Variants in MAGI2 observed in about 807,000 individuals in gnomAD.
The protein encoded by MAGI2 is membrane associated guanylate kinase, WW and PDZ domain containing 2, also known as membrane-associated guanylate kinase, WW and PDZ domain-containing protein 2.
In MAGI2, 35 loss-of-function variants were observed where a neutral mutation model predicts 133.3. The observed-to-expected ratio is 0.26, with a 90% CI of 0.20 to 0.35. The LOEUF is 0.35. Among genes scored for constraint, MAGI2 ranks in the 10% least tolerant of loss-of-function variants. MAGI2 has a pLI of 1.00. For missense variants in MAGI2, 1,636 were observed against 1,863.4 expected (o/e 0.88, Z 2.25); for synonymous variants, 729 against 710.6 (o/e 1.03, Z -0.41).
intron 10 of MAGI2, among the ~76,000 whole-genome samples, chr7:78,238,559 C>A (rs986825819): frequency 6.6e-6 from 1 of 152,040 alleles, no homozygotes; most frequent in African/African-American, 2.4e-5. Context: ...TGATTTTTCT[C>A]TTTTTCTTAT....
intron 1 of MAGI2, among the ~76,000 whole-genome samples, chr7:79,175,627 C>A (rs147177511): frequency 6.6e-6 from 1 of 152,002 alleles, no homozygotes; most frequent in Non-Finnish European, 1.5e-5. Context: ...TTACATAGAG[C>A]GTACTTACAT....
chr7:78,898,870 A>G (rs117963463), intron 2 of MAGI2, among the ~76,000 whole-genome samples: 3,802 of 152,100 alleles, frequency 0.025, 68 homozygotes, highest in Middle Eastern at 0.037. Context: ...TTTCCCTTCT[A>G]TTTTTACTCT....
intron 1 of MAGI2, among the ~76,000 whole-genome samples, chr7:79,022,407 A>G (rs1375085075): frequency 6.6e-6 from 1 of 152,080 alleles, no homozygotes; most frequent in Admixed American, 6.6e-5. Flanking sequence ...AGTGCTAAAC[A>G]CCCATATAAA....
chr7:79,224,525 T>C (rs1042614739), intron 1 of MAGI2, among the ~76,000 whole-genome samples: 1 of 152,054 alleles, frequency 6.6e-6, no homozygotes, highest in African/African-American at 2.4e-5. Flanking sequence ...CATAAATGCT[T>C]ATAGCCACTT....
intron 1 of MAGI2, among the ~76,000 whole-genome samples, chr7:79,354,865 T>C (rs1365699713): frequency 6.6e-6 from 1 of 152,134 alleles, no homozygotes; most frequent in Non-Finnish European, 1.5e-5. Flanking sequence ...ATACTCCAAC[T>C]CCTAAGCCGC....
chr7:79,381,666 G>T (rs1051763771), intron 1 of MAGI2, among the ~76,000 whole-genome samples: 1 of 151,708 alleles, frequency 6.6e-6, no homozygotes, highest in African/African-American at 2.4e-5. Flanking sequence ...TTTGAGCTCA[G>T]ATTCTTTTCA....
chr7:78,811,825 C>T (rs947214603), intron 2 of MAGI2, among the ~76,000 whole-genome samples: 2 of 152,170 alleles, frequency 1.3e-5, no homozygotes, highest in Admixed American at 6.5e-5. Flanking sequence ...ATGTCCTAAA[C>T]CTCAGAACCT....
At chr7:79,281,555 A>G (rs1017162888) in intron 1 of MAGI2, among the ~76,000 whole-genome samples, 13 of 152,168 alleles carry the variant, frequency 8.5e-5, no homozygotes, top group African/African-American at 2.2e-4. Context: ...AGAGAGGGCA[A>G]AAGTCTGCAA....
At chr7:78,489,646 C>A in intron 6 of MAGI2, 115 bp downstream of exon 6, 1 of 786,164 alleles carries the variant, frequency 1.3e-6, no homozygotes, top group Non-Finnish European at 2.2e-6. Context: ...TTAAACATTA[C>A]ATCGTTAAAA....
At chr7:79,402,066 T>C (rs1332306989) in intron 1 of MAGI2, among the ~76,000 whole-genome samples, 2 of 152,170 alleles carry the variant, frequency 1.3e-5, no homozygotes, top group Non-Finnish European at 2.9e-5. Context: ...TTCAAACACA[T>C]GATTCTACAA....
At chr7:78,400,999 C>T (rs764121403) in intron 6 of MAGI2, among the ~76,000 whole-genome samples, 17 of 151,652 alleles carry the variant, frequency 1.1e-4, no homozygotes, top group Non-Finnish European at 2.5e-4. Flanking sequence ...GTATTTACCT[C>T]GTAAGTTCTT....
chr7:78,865,912 G>A (rs1584207966), intron 2 of MAGI2, among the ~76,000 whole-genome samples: 1 of 152,130 alleles, frequency 6.6e-6, no homozygotes, highest in Non-Finnish European at 1.5e-5. Flanking sequence ...CTGGTGAAGA[G>A]TGAGGTGAGA....
intron 9 of MAGI2, among the ~76,000 whole-genome samples, chr7:78,293,025 C>T (rs538186867): frequency 8.5e-5 from 13 of 152,228 alleles, no homozygotes; most frequent in East Asian, 1.9e-4. Flanking sequence ...TAGGCATGGG[C>T]GAAGACTTTA....
intron 2 of MAGI2, among the ~76,000 whole-genome samples, chr7:78,712,383 A>G (rs576719707): frequency 6.6e-6 from 1 of 152,336 alleles, no homozygotes; most frequent in African/African-American, 2.4e-5. Context: ...ATACATGATG[A>G]GAGCTATTTA....
At chr7:78,846,356 T>C (rs1792608231) in intron 2 of MAGI2, among the ~76,000 whole-genome samples, 1 of 151,990 alleles carries the variant, frequency 6.6e-6, no homozygotes, top group Non-Finnish European at 1.5e-5. Context: ...AACACACTAT[T>C]CATGTGTTCT....
chr7:78,708,228 T>C (rs1039986259), intron 2 of MAGI2, among the ~76,000 whole-genome samples: 1 of 152,174 alleles, frequency 6.6e-6, no homozygotes, highest in African/African-American at 2.4e-5. Context: ...TTCATATTCA[T>C]GCAGCTTCCT....
At chr7:78,132,492 C>T (rs56281277) in intron 18 of MAGI2, among the ~76,000 whole-genome samples, 17,823 of 152,318 alleles carry the variant, frequency 0.12, 1,388 homozygotes, top group Non-Finnish European at 0.18. Flanking sequence ...TCACTGGCTT[C>T]ATCTCACATC....
chr7:79,377,810 A>G (rs1389314536), intron 1 of MAGI2, among the ~76,000 whole-genome samples: 1 of 151,678 alleles, frequency 6.6e-6, no homozygotes, highest in African/African-American at 2.4e-5. Context: ...ACAAAAAACT[A>G]CAGGAGGAAT....
At chr7:79,179,884 C>T (rs1214536452) in intron 1 of MAGI2, among the ~76,000 whole-genome samples, 1 of 151,902 alleles carries the variant, frequency 6.6e-6, no homozygotes, top group Non-Finnish European at 1.5e-5. Context: ...ATGGTTAAGA[C>T]AGAAAAGCGC....
Sources: allele counts gnomAD v4.1 joint callset (sites outside exome capture counted in the v4.1 genomes callset), GRCh38; gene constraint gnomAD v4.1.1; transcripts MANE v1.5; gene names NCBI Gene and HGNC (gene_info 2026-07-23, HGNC 2026-07-21).